KIF16B: variants seen among roughly 807,000 people sequenced by gnomAD.
KIF16B encodes the protein kinesin family member 16B.
In KIF16B, 98 loss-of-function variants were observed where a neutral mutation model predicts 156.3. That is an observed-to-expected ratio of 0.63 (90% CI 0.53 to 0.74). KIF16B has a LOEUF of 0.74. Among genes scored for constraint, KIF16B ranks in the 30% least tolerant of loss-of-function variants. KIF16B has a pLI of 0.00. For synonymous variants in KIF16B, 564 were observed against 583.7 expected (o/e 0.97, Z 0.49); for missense variants, 1,421 against 1,606.5 (o/e 0.88, Z 1.97).
At chr20:16,320,473 T>C (rs1246935533) in intron 24 of KIF16B, among the ~76,000 whole-genome samples, 2 of 151,874 alleles carry the variant, frequency 1.3e-5, no homozygotes, top group African/African-American at 4.8e-5. Flanking sequence ...AAAAACACGA[T>C]GGGAATGAAA....
At chr20:16,478,656 C>G (rs558922868) in intron 12 of KIF16B, among the ~76,000 whole-genome samples, 1 of 152,248 alleles carries the variant, frequency 6.6e-6, no homozygotes, top group East Asian at 1.9e-4. Context: ...GTTACCAGAT[C>G]AACAGGTGTA....
chr20:16,317,258 G>A lies in KIF16B; in HGVS notation c.3712-4840C>T, dbSNP rs112756388. Among the ~76,000 whole-genome samples, 75 of 152,254 alleles carry A rather than the reference G, an allele frequency of 4.9e-4. 1 individual carries two copies. The highest frequency in any genetic ancestry group is 1.7e-3 in the African/African-American group (69 of 41,558). The stretch of plus-strand genomic sequence containing the variant: ...GAACAGTGAATGACAATCTGTAGGT[G>A]GAGAGACTCCTCTTGGATTTCCTCT... On this transcript the variant is annotated intron_variant, in intron 24 of 25. Coordinates refer to ENST00000354981, the MANE Select transcript of KIF16B (RefSeq NM_024704.5).
At chr20:16,539,595 T>A (rs990770666) in intron 1 of KIF16B, among the ~76,000 whole-genome samples, 5 of 152,152 alleles carry the variant, frequency 3.3e-5, no homozygotes, top group Non-Finnish European at 4.4e-5. Context: ...ATGTGCCTGC[T>A]CCGGCTTTGC....
chr20:16,337,604 T>C (rs2064063592), intron 23 of KIF16B, among the ~76,000 whole-genome samples: 1 of 152,226 alleles, frequency 6.6e-6, no homozygotes, highest in South Asian at 2.1e-4. Context: ...TCTGCAGTAG[T>C]AAGCATTTAA....
intron 25 of KIF16B, among the ~76,000 whole-genome samples, chr20:16,300,898 G>T (rs2063462413): frequency 6.6e-6 from 1 of 152,060 alleles, no homozygotes; most frequent in Non-Finnish European, 1.5e-5. Flanking sequence ...TTTCTATGGG[G>T]TTTGAAAAAT....
intron 15 of KIF16B, among the ~76,000 whole-genome samples, chr20:16,422,611 A>C (rs527788829): frequency 6.6e-6 from 1 of 152,250 alleles, no homozygotes; most frequent in African/African-American, 2.4e-5. Flanking sequence ...GTGATTTAAG[A>C]ACTACTTATA....
rs146833834 is a variant in KIF16B at position 16,347,838 on chromosome 20, C to T, written c.3621+8492G>A. Among the ~76,000 whole-genome samples, 579 of 152,254 alleles carry T rather than the reference C, an allele frequency of 3.8e-3. 3 individuals are homozygous for T. Among genetic ancestry groups the T allele is most frequent in the South Asian group, 0.029 (142 of 4,822 alleles). Reference sequence around the variant, plus strand: ...AGTTGCTAATAAGCACAGATTCAGACGCCAACACTCTACACTTTCTGAACA... The same window carrying T: ...AGTTGCTAATAAGCACAGATTCAGATGCCAACACTCTACACTTTCTGAACA... On this transcript the variant is annotated intron_variant, in intron 23 of 25. Transcript: ENST00000354981.
At position 16,377,030 on chromosome 20, in the gene KIF16B, T is replaced by C. The variant is rs776116383; in HGVS notation, c.3197+1775A>G. On this transcript the variant is annotated intron_variant, in intron 19 of 25. Transcript: ENST00000354981. ...GTAATCCATAGCATAAGCCAATCAT[T>C]TGAATGGAGGTTGTCCTGAACTTTT... Among the ~76,000 whole-genome samples the C allele has an allele frequency of 5.6e-4, 85 of 152,314 alleles. 1 individual carries two copies. Among genetic ancestry groups the C allele is most frequent in the Non-Finnish European group, 1.1e-3 (75 of 68,026 alleles).
chr20:16,470,728 C>T (rs2067639739), intron 12 of KIF16B, among the ~76,000 whole-genome samples: 1 of 150,980 alleles, frequency 6.6e-6, no homozygotes, highest in Non-Finnish European at 1.5e-5. Context: ...AACTCCTGGG[C>T]TCGAGCAATC....
At chr20:16,368,279 T>A (rs545774397) in intron 22 of KIF16B, 2 of 1,001,400 alleles carry the variant, frequency 2.0e-6, no homozygotes, top group East Asian at 2.1e-4. Context: ...GGTAAACCTG[T>A]AGCTGCAAAG....
intron 15 of KIF16B, among the ~76,000 whole-genome samples, chr20:16,418,292 A>C (rs2066140780): frequency 6.6e-6 from 1 of 152,136 alleles, no homozygotes; most frequent in South Asian, 2.1e-4. Context: ...CTCATATTCA[A>C]ACACATGAGA....
intron 13 of KIF16B, 86 bp from the exon 14 acceptor site, chr20:16,429,090 T>G: frequency 9.2e-7 from 1 of 1,092,328 alleles, no homozygotes; most frequent in African/African-American, 1.5e-5. Context: ...CCAAACAACA[T>G]AGTGGCCAAT....
At chr20:16,472,308 AG>A (rs751514085) in intron 12 of KIF16B, among the ~76,000 whole-genome samples, 1 of 152,174 alleles carries the variant, frequency 6.6e-6, no homozygotes, top group African/African-American at 2.4e-5. Flanking sequence ...CACAGTGCTA[AG>A]TACTTTATAT....
chr20:16,554,486 T>C (rs1253337665), intron 1 of KIF16B, among the ~76,000 whole-genome samples: 1 of 152,176 alleles, frequency 6.6e-6, no homozygotes, highest in Admixed American at 6.5e-5. Context: ...CGGGTCTCCT[T>C]TGAGCTGTCT....
At chr20:16,490,816 G>C (rs763207425) in intron 12 of KIF16B, among the ~76,000 whole-genome samples, 18 of 152,250 alleles carry the variant, frequency 1.2e-4, no homozygotes, top group Middle Eastern at 3.4e-3. Flanking sequence ...TTAATACAAA[G>C]GTTTTTATTT....
chr20:16,333,333 C>A (rs2063982450), intron 24 of KIF16B, among the ~76,000 whole-genome samples: 1 of 152,140 alleles, frequency 6.6e-6, no homozygotes, highest in Admixed American at 6.5e-5. Context: ...CACTACCCAG[C>A]TCTCATGCCA....
intron 24 of KIF16B, among the ~76,000 whole-genome samples, chr20:16,324,657 C>A (rs1405302486): frequency 6.6e-6 from 1 of 151,968 alleles, no homozygotes; most frequent in Admixed American, 6.6e-5. Context: ...TGGAAATCAT[C>A]TTTTAGATCT....
chr20:16,292,539 A>C (rs1416656205), intron 25 of KIF16B, among the ~76,000 whole-genome samples: 1 of 152,234 alleles, frequency 6.6e-6, no homozygotes, highest in Non-Finnish European at 1.5e-5. Context: ...AAAAAAGCAC[A>C]AGGTATTTGG....
intron 24 of KIF16B, among the ~76,000 whole-genome samples, chr20:16,327,970 A>G (rs539790431): frequency 9.2e-5 from 14 of 152,288 alleles, no homozygotes; most frequent in Admixed American, 7.9e-4. Flanking sequence ...GCTAGTAATA[A>G]AACTGTTATA....
Sources: allele counts gnomAD v4.1 joint callset (sites outside exome capture counted in the v4.1 genomes callset), GRCh38; gene constraint gnomAD v4.1.1; transcripts MANE v1.5; gene names NCBI Gene and HGNC (gene_info 2026-07-23, HGNC 2026-07-21).